CTNND2: variants seen among roughly 807,000 people sequenced by gnomAD.
The protein encoded by CTNND2 is catenin delta 2, also known as catenin delta-2.
Under a neutral mutation model 144.4 loss-of-function variants are expected in CTNND2, and 22 were observed. The ratio of observed to expected loss-of-function variants is 0.15; its 90% CI spans 0.11 to 0.22. The LOEUF is 0.22. Ranked by LOEUF, CTNND2 falls within the 10% of genes least tolerant of loss-of-function variation. The pLI is 1.00. For synonymous variants in CTNND2, 751 were observed against 695.6 expected, an observed-to-expected ratio of 1.08 and a Z score of -1.25; for missense variants, 1,353 against 1,618.8, an observed-to-expected ratio of 0.84 and a Z score of 2.82.
intron 1 of CTNND2, among the ~76,000 whole-genome samples, chr5:11,823,872 C>T (rs1271832166): frequency 6.6e-6 from 1 of 152,008 alleles, no homozygotes; most frequent in Non-Finnish European, 1.5e-5. Flanking sequence ...CTTTGGGAGG[C>T]TGAGGCAGGC....
chr5:11,540,794 T>C (rs191004026), intron 3 of CTNND2, among the ~76,000 whole-genome samples: 5 of 152,254 alleles, frequency 3.3e-5, no homozygotes, highest in Admixed American at 6.5e-5. Context: ...CTTAACATAG[T>C]TTTTTCCTAC....
At chr5:11,410,333 T>C (rs1249477013) in intron 5 of CTNND2, among the ~76,000 whole-genome samples, 1 of 152,150 alleles carries the variant, frequency 6.6e-6, no homozygotes, top group Non-Finnish European at 1.5e-5. Context: ...CTAACAGTAA[T>C]GGTATTACAA....
chr5:11,785,449 T>A (rs1239775560), intron 1 of CTNND2, among the ~76,000 whole-genome samples: 1 of 152,244 alleles, frequency 6.6e-6, no homozygotes, highest in East Asian at 1.9e-4. Flanking sequence ...AAATGTTATT[T>A]TTTAAAAAAC....
chr5:11,298,858 T>C (rs1749278827), intron 9 of CTNND2, among the ~76,000 whole-genome samples: 1 of 152,218 alleles, frequency 6.6e-6, no homozygotes, highest in Admixed American at 6.5e-5. Context: ...GGAGTAGTGA[T>C]AGTACCTCAG....
chr5:11,316,468 TTTA>T (rs57708081), intron 9 of CTNND2, among the ~76,000 whole-genome samples: 21,174 of 72,942 alleles, frequency 0.29, 1,697 homozygotes, highest in East Asian at 0.49. Flanking sequence ...TCCACTATTT[TTTA>T]TTATTATTAT....
At chr5:11,866,112 G>A (rs1438567060) in intron 1 of CTNND2, among the ~76,000 whole-genome samples, 1 of 152,030 alleles carries the variant, frequency 6.6e-6, no homozygotes, top group Non-Finnish European at 1.5e-5. Flanking sequence ...AGACCAGCCT[G>A]GGCAACATAG....
intron 3 of CTNND2, among the ~76,000 whole-genome samples, chr5:11,466,254 G>A (rs546198335): frequency 6.6e-6 from 1 of 152,118 alleles, no homozygotes; most frequent in South Asian, 2.1e-4. Flanking sequence ...CTCCTGCCTT[G>A]GCCTCCCAAA....
intron 12 of CTNND2, among the ~76,000 whole-genome samples, chr5:11,144,396 G>C (rs11740270): frequency 1.9e-4 from 29 of 152,264 alleles, no homozygotes; most frequent in Non-Finnish European, 3.4e-4. Flanking sequence ...GAAGGTTTGG[G>C]AAGTGGCTTG....
chr5:11,396,271 G>T (rs1315424184), intron 6 of CTNND2, among the ~76,000 whole-genome samples: 1 of 152,084 alleles, frequency 6.6e-6, no homozygotes, highest in African/African-American at 2.4e-5. Flanking sequence ...ACTCTGGCGT[G>T]ATGATCAAAA....
intron 9 of CTNND2, among the ~76,000 whole-genome samples, chr5:11,299,307 A>G (rs1413816151): frequency 6.6e-6 from 1 of 152,172 alleles, no homozygotes; most frequent in African/African-American, 2.4e-5. Context: ...GCATATGTCA[A>G]ACTCTTTGGT....
chr5:11,213,975 A>T (rs1469172275), intron 10 of CTNND2, among the ~76,000 whole-genome samples: 2 of 152,192 alleles, frequency 1.3e-5, no homozygotes, highest in African/African-American at 4.8e-5. Flanking sequence ...ATACTATTTT[A>T]TTCCAATTTA....
In CTNND2 at chr5:11,335,456, A is replaced by G. The variant is rs1753644617; in HGVS notation, c.1628+10916T>C. ...AAAATGACTTAGGACATCAAGCCAAATATCAAAACTGGTTTGCACATGAAA... is the reference window on the plus strand; with the variant it reads ...AAAATGACTTAGGACATCAAGCCAAGTATCAAAACTGGTTTGCACATGAAA... On this transcript the variant is annotated intron_variant, in intron 9 of 21. Coordinates refer to ENST00000304623, the MANE Select transcript of CTNND2 (RefSeq NM_001332.4). Among the ~76,000 whole-genome samples, 6 of 152,244 alleles carry G rather than the reference A, an allele frequency of 3.9e-5. No homozygotes were observed. The South Asian group carries it at 1.2e-3, about 31-fold the overall frequency.
intron 1 of CTNND2, among the ~76,000 whole-genome samples, chr5:11,784,418 G>A (rs1461985430): frequency 6.6e-6 from 1 of 152,120 alleles, no homozygotes; most frequent in Non-Finnish European, 1.5e-5. Flanking sequence ...TGGGGAGGGG[G>A]ATGTGATAGG....
At chr5:11,801,876 A>C (rs979202668) in intron 1 of CTNND2, among the ~76,000 whole-genome samples, 2 of 152,230 alleles carry the variant, frequency 1.3e-5, no homozygotes, top group Non-Finnish European at 2.9e-5. Context: ...TGATCCTATA[A>C]TATTTGGAAT....
At chr5:11,396,917 G>T in intron 6 of CTNND2, 114 bp downstream of exon 6, 5 of 997,496 alleles carry the variant, frequency 5.0e-6, no homozygotes, top group Non-Finnish European at 7.4e-6. Context: ...CAAGTTGAGG[G>T]ACACACCTAC....
At chr5:11,181,786 G>T (rs1400257367) in intron 11 of CTNND2, among the ~76,000 whole-genome samples, 1 of 147,918 alleles carries the variant, frequency 6.8e-6, no homozygotes, top group Non-Finnish European at 1.5e-5. Flanking sequence ...CTGTGTGTGT[G>T]TCTGTGTGGT....
intron 12 of CTNND2, among the ~76,000 whole-genome samples, chr5:11,132,845 C>T (rs1755756423): frequency 6.6e-6 from 1 of 152,170 alleles, no homozygotes; most frequent in African/African-American, 2.4e-5. Context: ...ACCCACCCTT[C>T]CTATAACCTC....
intron 1 of CTNND2, among the ~76,000 whole-genome samples, chr5:11,776,366 A>C (rs1790254740): frequency 6.6e-6 from 1 of 152,148 alleles, no homozygotes; most frequent in African/African-American, 2.4e-5. Context: ...CCCAACAACA[A>C]TGCATTTAAA....
chr5:11,076,073 G>T (rs115048056), intron 16 of CTNND2, among the ~76,000 whole-genome samples: 397 of 152,304 alleles, frequency 2.6e-3, no homozygotes, highest in African/African-American at 8.8e-3. Flanking sequence ...TACATCACCT[G>T]ATGCTTGCTT....
Sources: gnomAD v4.1 joint callset for allele counts (sites outside exome capture counted in the v4.1 genomes callset) on GRCh38, gnomAD v4.1.1 for gene constraint, MANE v1.5 for transcripts, NCBI Gene and HGNC (gene_info 2026-07-23, HGNC 2026-07-21) for gene names.